PPP2R2B: variants seen among roughly 807,000 people sequenced by gnomAD.
The protein encoded by PPP2R2B is serine/threonine-protein phosphatase 2A 55 kDa regulatory subunit B beta isoform.
PPP2R2B carries 5 observed loss-of-function variants against 46.0 expected under a neutral mutation model. That is an observed-to-expected ratio of 0.11 (90% CI 0.06 to 0.23). PPP2R2B has a LOEUF of 0.23. Ranked by LOEUF, PPP2R2B falls within the 10% of genes least tolerant of loss-of-function variation. The pLI is 1.00. For missense variants in PPP2R2B, 367 were observed against 575.0 expected, an observed-to-expected ratio of 0.64 and a Z score of 3.70; for synonymous variants, 215 against 206.7, an observed-to-expected ratio of 1.04 and a Z score of -0.34.
At chr5:146,864,986 G>T (rs116347918) in intron 2 of PPP2R2B, among the ~76,000 whole-genome samples, 1,591 of 152,116 alleles carry the variant, frequency 0.01, 31 homozygotes, top group African/African-American at 0.037. Context: ...AAACATAATT[G>T]TTCATACCAT....
At chr5:146,711,845 A>G (rs895783124) in intron 2 of PPP2R2B, among the ~76,000 whole-genome samples, 15 of 152,176 alleles carry the variant, frequency 9.9e-5, no homozygotes, top group African/African-American at 3.6e-4. Context: ...TTGTTCAAAG[A>G]TTCTGATCAT....
intron 2 of PPP2R2B, among the ~76,000 whole-genome samples, chr5:146,852,125 A>C (rs1400750484): frequency 6.6e-6 from 1 of 152,128 alleles, no homozygotes; most frequent in African/African-American, 2.4e-5. Context: ...CCACAGAGAA[A>C]GGGGACCAAT....
chr5:147,002,008 G>A (rs1053662268), intron 1 of PPP2R2B, among the ~76,000 whole-genome samples: 15 of 152,112 alleles, frequency 9.9e-5, no homozygotes, highest in African/African-American at 3.6e-4. Context: ...TCGCCCAAGT[G>A]AGACTCATCC....
intron 2 of PPP2R2B, among the ~76,000 whole-genome samples, chr5:147,079,570 A>G (rs1757912458): frequency 6.6e-6 from 1 of 151,580 alleles, no homozygotes; most frequent in South Asian, 2.1e-4. Flanking sequence ...AGTTCACTTA[A>G]TAGTGAAATA....
chr5:147,037,410 G>A (rs1756092738), intron 1 of PPP2R2B, among the ~76,000 whole-genome samples: 1 of 151,972 alleles, frequency 6.6e-6, no homozygotes, highest in Non-Finnish European at 1.5e-5. Flanking sequence ...GGGTGTGTGT[G>A]TGTGTGTATG....
chr5:146,692,586 C>T (rs59230587), intron 4 of PPP2R2B, among the ~76,000 whole-genome samples: 33,784 of 143,814 alleles, frequency 0.23, 4,853 homozygotes, highest in African/African-American at 0.42. Context: ...CAGGCTGGAG[C>T]GCAGTGGCAC....
intron 1 of PPP2R2B, among the ~76,000 whole-genome samples, chr5:147,010,258 A>G (rs1047212997): frequency 6.6e-6 from 1 of 152,186 alleles, no homozygotes; most frequent in African/African-American, 2.4e-5. Context: ...CGTTTTTGGC[A>G]CCAGGGGCCG....
chr5:146,810,954 A>G (rs1223242675), intron 2 of PPP2R2B, among the ~76,000 whole-genome samples: 2 of 136,788 alleles, frequency 1.5e-5, no homozygotes, highest in Non-Finnish European at 3.0e-5. Flanking sequence ...ATTCCCACCT[A>G]TGAGTGAGAA....
At chr5:146,992,861 T>C (rs149910662) in intron 1 of PPP2R2B, among the ~76,000 whole-genome samples, 2 of 152,362 alleles carry the variant, frequency 1.3e-5, no homozygotes, top group East Asian at 3.9e-4. Context: ...TAATATTATA[T>C]GTAGGATCAA....
At chr5:146,696,801 C>T (rs144105423) in intron 4 of PPP2R2B, among the ~76,000 whole-genome samples, 3 of 152,244 alleles carry the variant, frequency 2.0e-5, no homozygotes, top group Non-Finnish European at 4.4e-5. Flanking sequence ...TTTTTTTAGA[C>T]TTCTATGCTG....
upstream of PPP2R2B, among the ~76,000 whole-genome samples, chr5:146,880,179 TTGTGTGTGTGTGTG>T (rs57151657): frequency 1.3e-3 from 185 of 138,244 alleles, 1 homozygote; most frequent in African/African-American, 4.4e-3. Flanking sequence ...CATAGTTATT[TTGTGTGTGTGTGTG>T]TGTGTGTGTG....
At chr5:146,868,406 C>A (rs1561973381) in intron 2 of PPP2R2B, among the ~76,000 whole-genome samples, 2 of 152,174 alleles carry the variant, frequency 1.3e-5, no homozygotes, top group South Asian at 2.1e-4. Context: ...CATGTTTTCC[C>A]AGTCTCACCC....
At chr5:146,707,525 G>C (rs1409125328) in intron 2 of PPP2R2B, 2 of 730,254 alleles carry the variant, frequency 2.7e-6, no homozygotes, top group South Asian at 1.4e-5. Context: ...AGGCCCACTC[G>C]TGTAGGAGCA....
intron 2 of PPP2R2B, among the ~76,000 whole-genome samples, chr5:146,850,600 T>C (rs529118687): frequency 6.6e-6 from 1 of 152,242 alleles, no homozygotes; most frequent in Non-Finnish European, 1.5e-5. Flanking sequence ...TCCCATCTCC[T>C]CTTCAACAGA....
chr5:146,745,591 T>A (rs897769043), intron 2 of PPP2R2B, among the ~76,000 whole-genome samples: 8 of 152,194 alleles, frequency 5.3e-5, no homozygotes, highest in Non-Finnish European at 1.2e-4. Context: ...TCTTTGAACT[T>A]CAGTTTCCCC....
intron 1 of PPP2R2B, among the ~76,000 whole-genome samples, chr5:146,949,634 C>T (rs553906914): frequency 3.9e-4 from 60 of 152,076 alleles, no homozygotes; most frequent in African/African-American, 1.4e-3. Flanking sequence ...AAAAATAGAG[C>T]TACTATATAA....
chr5:147,051,489 T>G (rs1460189173), intron 1 of PPP2R2B, among the ~76,000 whole-genome samples: 2 of 152,094 alleles, frequency 1.3e-5, no homozygotes, highest in African/African-American at 2.4e-5. Flanking sequence ...GAAGACATCT[T>G]CCTAGAAAGA....
chr5:146,812,907 C>T (rs1044061778), intron 2 of PPP2R2B, among the ~76,000 whole-genome samples: 4 of 141,760 alleles, frequency 2.8e-5, no homozygotes, highest in African/African-American at 1.0e-4. Context: ...GGGAAAACCA[C>T]CCCCATGATT....
intron 2 of PPP2R2B, among the ~76,000 whole-genome samples, chr5:146,840,947 A>G (rs984042236): frequency 5.9e-5 from 9 of 152,182 alleles, no homozygotes; most frequent in African/African-American, 2.2e-4. Flanking sequence ...CTAAACAAAG[A>G]GATGAAACAA....
Sources: allele counts gnomAD v4.1 joint callset (sites outside exome capture counted in the v4.1 genomes callset), GRCh38; gene constraint gnomAD v4.1.1; transcripts MANE v1.5; gene names NCBI Gene and HGNC (gene_info 2026-07-23, HGNC 2026-07-21).